Variants in VSTM2B observed in about 807,000 individuals in gnomAD.
VSTM2B encodes V-set and transmembrane domain-containing protein 2B.
Under a neutral mutation model 24.0 loss-of-function variants are expected in VSTM2B, and 24 were observed. The ratio of observed to expected loss-of-function variants is 1.00; its 90% CI spans 0.72 to 1.40. VSTM2B has a LOEUF of 1.40. Among genes scored for constraint, VSTM2B ranks in the 40% most tolerant of loss-of-function variants. The pLI is 0.00. For synonymous variants in VSTM2B, 226 were observed against 194.4 expected, an observed-to-expected ratio of 1.16 and a Z score of -1.35; for missense variants, 399 against 416.4, an observed-to-expected ratio of 0.96 and a Z score of 0.36.
Position 29,526,650 on chromosome 19 carries a change from C to T in VSTM2B, c.67C>T (p.Leu23Phe), listed in dbSNP as rs1568434902. The T allele has an allele frequency of 1.3e-6, 2 of 1,529,636 alleles. No homozygotes were observed. The highest frequency in any genetic ancestry group is 2.5e-5 in the East Asian group (1 of 40,208). The allele number at this position is 1,529,636 out of a possible 1,614,324, so 94.8% of individuals were successfully genotyped here. ...LPPLLLHALLLFVADAAFTEV... is the reference protein window; with the variant it reads ...LPPLLLHALLFFVADAAFTEV... The stretch of plus-strand genomic sequence containing the variant: ...GCCTCTGCTGCTGCATGCCCTGCTG[C>T]TCTTCGTGGCCGACGGTGAGCGCGG... Residue 23 changes from leucine to phenylalanine, a missense_variant, in exon 1 of 5, where the codon CTC becomes TTC. Leu to Phe is a conservative substitution (Grantham distance 22). Transcript: ENST00000335523. The surrounding 1 kb of genome is among the most constrained non-coding windows in gnomAD (Gnocchi z 4.1).
At chr19:29,547,781 T>C (rs1164540600) in intron 4 of VSTM2B, among the ~76,000 whole-genome samples, 1 of 151,956 alleles carries the variant, frequency 6.6e-6, no homozygotes, top group East Asian at 1.9e-4. Context: ...GGAGGCAGCA[T>C]CTAGACAAAG....
chr19:29,559,162 C>T (rs1180904624), intron 4 of VSTM2B, among the ~76,000 whole-genome samples: 1 of 152,198 alleles, frequency 6.6e-6, no homozygotes, highest in Non-Finnish European at 1.5e-5. Context: ...CACATGCACA[C>T]ATATGTTTAT....
At chr19:29,546,309 C>T (rs925406431) in intron 4 of VSTM2B, among the ~76,000 whole-genome samples, 3 of 152,172 alleles carry the variant, frequency 2.0e-5, no homozygotes, top group African/African-American at 7.2e-5. Context: ...GGCAAGGCGG[C>T]ACTGTCCACT....
intron 4 of VSTM2B, among the ~76,000 whole-genome samples, chr19:29,549,430 A>G (rs986180290): frequency 2.1e-5 from 3 of 145,372 alleles, no homozygotes; most frequent in African/African-American, 7.8e-5. Context: ...TACTTCCCCC[A>G]GTGCTGCCTC....
Position 29,530,123 on chromosome 19 carries a change from G to C in VSTM2B, c.602G>C (p.Ser201Thr). The change falls in exon 4 of 5, where the codon AGC becomes ACC. Residue 201 changes from serine to threonine, a missense_variant. Ser to Thr is a moderately conservative substitution (Grantham distance 58, BLOSUM62 1). Coordinates refer to ENST00000335523, the MANE Select transcript of VSTM2B (RefSeq NM_001146339.2). ...TCCGAGCCCGGCCGCGGCGACAAGA[G>C]CCCGCCGCCCGGGAGCCCTCCCGCC... ...TTSEPGRGDK[S>T]PPPGSPPAAI... The C allele has an allele frequency of 6.9e-7, 1 of 1,445,798 alleles. No homozygotes were observed. Among genetic ancestry groups the C allele is most frequent in the Non-Finnish European group, 9.0e-7 (1 of 1,107,790 alleles). 89.6% of individuals were successfully genotyped at this position (1,445,798 alleles called of 1,614,324 possible).
chr19:29,539,326 G>T (rs1228061125), intron 4 of VSTM2B, among the ~76,000 whole-genome samples: 1 of 152,162 alleles, frequency 6.6e-6, no homozygotes, highest in Non-Finnish European at 1.5e-5. Context: ...TGTGATGTGA[G>T]GGGGTAGGGC....
In VSTM2B at chr19:29,526,727, GAGA is replaced by G. The variant is rs925920438; in HGVS notation, c.82+73_82+75del. 663 of 1,413,284 alleles carry G rather than the reference GAGA, an allele frequency of 4.7e-4. No homozygotes were observed. The highest frequency in any genetic ancestry group is 8.2e-4 in the African/African-American group (57 of 69,276). The allele number at this position is 1,413,284 out of a possible 1,614,324, so 87.5% of individuals were successfully genotyped here. A position where few individuals can be genotyped will look rare whatever the true frequency, so the allele number is the denominator to read the frequency against. On this transcript the variant is annotated intron_variant, in intron 1 of 4. Transcript: ENST00000335523. The surrounding 1 kb of genome is among the most constrained non-coding windows in gnomAD (Gnocchi z 4.1). ...GGGGGTCTTTGCTGGGGCCGCCACCGAGAAGAAGAAGAAAGAGAACGAACCGGG... is the reference window on the plus strand; with the variant it reads ...GGGGGTCTTTGCTGGGGCCGCCACCGAGAAGAAGAAAGAGAACGAACCGGG...
At chr19:29,548,924 TG>T (rs1228507434) in intron 4 of VSTM2B, among the ~76,000 whole-genome samples, 3 of 152,150 alleles carry the variant, frequency 2.0e-5, no homozygotes, top group African/African-American at 7.2e-5. Context: ...CGCAGGAGGC[TG>T]GGGCAGGACT....
intron 4 of VSTM2B, among the ~76,000 whole-genome samples, chr19:29,553,998 C>T (rs553180770): frequency 6.6e-6 from 1 of 152,298 alleles, no homozygotes; most frequent in East Asian, 1.9e-4. Flanking sequence ...GGAAAACACA[C>T]TTCACAATAT....
chr19:29,537,751 T>C (rs12979788), intron 4 of VSTM2B, among the ~76,000 whole-genome samples: 3,886 of 119,470 alleles, frequency 0.033, 76 homozygotes, highest in Admixed American at 0.045. Flanking sequence ...ACCCACCTAC[T>C]CTCCCGCACC....
intron 4 of VSTM2B, among the ~76,000 whole-genome samples, chr19:29,563,128 G>A (rs1970573085): frequency 6.6e-6 from 1 of 152,176 alleles, no homozygotes; most frequent in Admixed American, 6.5e-5. Flanking sequence ...GGGATGCCGG[G>A]ATGCACAAGG....
chr19:29,544,354 G>T (rs572622231), intron 4 of VSTM2B, among the ~76,000 whole-genome samples: 1 of 150,896 alleles, frequency 6.6e-6, no homozygotes, highest in Non-Finnish European at 1.5e-5. Context: ...GTGAAACCCC[G>T]TCTCTACTGA....
At chr19:29,546,181 T>C (rs1568443578) in intron 4 of VSTM2B, among the ~76,000 whole-genome samples, 1 of 152,108 alleles carries the variant, frequency 6.6e-6, no homozygotes. Flanking sequence ...GAAAGGAATC[T>C]AGCAAAGGGA....
rs1009073541 is a variant in VSTM2B, at chr19:29,526,874, C to T, written c.82+209C>T. The T allele has an allele frequency of 2.0e-6, 1 of 501,400 alleles. No homozygotes were observed. Among genetic ancestry groups the T allele is most frequent in the African/African-American group, 2.0e-5 (1 of 49,248 alleles). 31.1% of individuals were successfully genotyped at this position (501,400 alleles called of 1,614,324 possible). ...GCGCCCGAGTCGTTCCCAGTCCCGC[C>T]GGGGCCCCGGCTGCGGAAAGGATGC... is the stretch of plus-strand genomic sequence containing the variant. On this transcript the variant is annotated intron_variant, in intron 1 of 4. Coordinates refer to ENST00000335523, the MANE Select transcript of VSTM2B (RefSeq NM_001146339.2). The surrounding 1 kb of genome is among the most constrained non-coding windows in gnomAD (Gnocchi z 4.1).
chr19:29,551,546 A>G (rs1380903420), intron 4 of VSTM2B, among the ~76,000 whole-genome samples: 2 of 152,140 alleles, frequency 1.3e-5, no homozygotes, highest in Admixed American at 6.5e-5. Flanking sequence ...TATCCTGCTC[A>G]CTATCTGAAT....
At chr19:29,557,157 C>G (rs1599907341) in intron 4 of VSTM2B, among the ~76,000 whole-genome samples, 1 of 151,290 alleles carries the variant, frequency 6.6e-6, no homozygotes, top group East Asian at 1.9e-4. Flanking sequence ...AGTAACCAAA[C>G]AGCATGGTAC....
At chr19:29,525,485 C>T (rs1168929585), upstream of VSTM2B, 7 of 151,830 alleles carry the variant, frequency 4.6e-5, no homozygotes, top group Non-Finnish European at 1.0e-4. Flanking sequence ...TCGCTGGGCG[C>T]TGTGCGCTCA....
chr19:29,528,039 G>A (rs936622164), intron 2 of VSTM2B, among the ~76,000 whole-genome samples: 8 of 152,210 alleles, frequency 5.3e-5, no homozygotes, highest in African/African-American at 1.4e-4. Flanking sequence ...CCCGCTGGGT[G>A]CTGTCCAGAC....
In VSTM2B at chr19:29,530,007, C is replaced by T; in HGVS notation, c.486C>T (p.Ala162=). The T allele has an allele frequency of 2.6e-6, 4 of 1,540,456 alleles. No homozygotes were observed. Among genetic ancestry groups the T allele is most frequent in the South Asian group, 2.4e-5 (2 of 83,912 alleles). Reference sequence around the variant, plus strand: ...CGCCCAACATGCAGGCCGCCGAGGCCGTGTCCCACATCCAGAGCAGCGGCC... The same window carrying T: ...CGCCCAACATGCAGGCCGCCGAGGCTGTGTCCCACATCCAGAGCAGCGGCC... ...FAPPNMQAAE[A]VSHIQSSGPR... Residue 162 remains alanine (A), a synonymous_variant, in exon 4 of 5, where the codon GCC becomes GCT. Transcript: ENST00000335523.
Sources: allele counts gnomAD v4.1 joint callset (sites outside exome capture counted in the v4.1 genomes callset), GRCh38; gene constraint gnomAD v4.1.1; non-coding constraint Gnocchi (gnomAD v3.1); transcripts MANE v1.5; gene names NCBI Gene and HGNC (gene_info 2026-07-23, HGNC 2026-07-21).